The following ABHD2 variants were observed in gnomAD, a reference collection of about 807,000 sequenced individuals.
ABHD2 encodes abhydrolase domain containing 2, acylglycerol lipase.
ABHD2 carries 20 observed loss-of-function variants against 48.1 expected under a neutral mutation model. The observed-to-expected ratio is 0.42, with a 90% CI of 0.29 to 0.60. ABHD2 has a LOEUF of 0.60. ABHD2 is among the 20% of genes least tolerant of loss of function. ABHD2 has a pLI of 0.24. For missense variants in ABHD2, 405 were observed against 550.9 expected (o/e 0.74, Z 2.65); for synonymous variants, 209 against 214.2 (o/e 0.98, Z 0.21).
chr15:89,185,550 A>G lies in ABHD2; in HGVS notation c.815+34A>G, dbSNP rs994926397. 2 of 1,581,176 alleles carry G rather than the reference A, an allele frequency of 1.3e-6. No individual in the cohort carries two copies. The highest frequency in any genetic ancestry group is 1.7e-6 in the Non-Finnish European group (2 of 1,150,176). On this transcript the variant is annotated intron_variant, in intron 7 of 10. Coordinates refer to ENST00000352732, the MANE Select transcript of ABHD2 (RefSeq NM_152924.5). The surrounding 1 kb of genome is among the most constrained non-coding windows in gnomAD (Gnocchi z 5.9). ...CCTTCCGTTCTCTCTCAGGAGACAG[A>G]CAGTTCCTTCCTGAGCTCATCTGGG...
the ABHD2 span, among the ~76,000 whole-genome samples, chr15:89,050,309 A>G: frequency 6.6e-6 from 1 of 152,144 alleles, no homozygotes; most frequent in African/African-American, 2.4e-5. Flanking sequence ...GCCTGAGCCT[A>G]TGGAGCAGGG....
chr15:89,082,774 A>G (rs985105316), upstream of ABHD2: 2 of 152,362 alleles, frequency 1.3e-5, no homozygotes, highest in South Asian at 4.1e-4. The surrounding 1 kb of genome is among the most constrained non-coding windows in gnomAD (Gnocchi z 4.4). Context: ...TCAGTAAAAA[A>G]TGTTTACTGT....
At position 89,155,874 on chromosome 15, in the gene ABHD2, T is replaced by C. The variant is rs1425475372; in HGVS notation, c.538+340T>C. ...CATGACCTTCAGGACTGTGCTGTTC[T>C]GATGCTCGTTCCTCAGGACTCTTGT... On this transcript the variant is annotated intron_variant, in intron 5 of 10. Transcript: ENST00000352732. The surrounding 1 kb of genome is among the most constrained non-coding windows in gnomAD (Gnocchi z 4.9). Among the ~76,000 whole-genome samples, 5 of 152,264 alleles carry C rather than the reference T, an allele frequency of 3.3e-5. No homozygotes were observed. The highest frequency in any genetic ancestry group is 7.4e-5 in the Non-Finnish European group (5 of 68,014).
the ABHD2 span, among the ~76,000 whole-genome samples, chr15:89,056,883 T>C: frequency 2.0e-5 from 3 of 151,114 alleles, no homozygotes; most frequent in Admixed American, 1.3e-4. Context: ...TTTTTCACAC[T>C]GTTAATCCAG....
At chr15:89,178,706 A>C (rs1209316330) in intron 6 of ABHD2, among the ~76,000 whole-genome samples, 2 of 152,214 alleles carry the variant, frequency 1.3e-5, no homozygotes, top group Non-Finnish European at 2.9e-5. Flanking sequence ...CCCTGAAATC[A>C]CCTGGTATCC....
intron 3 of ABHD2, among the ~76,000 whole-genome samples, chr15:89,119,185 C>G (rs992911856): frequency 3.9e-5 from 6 of 152,180 alleles, no homozygotes; most frequent in Admixed American, 2.0e-4. Context: ...GACAAATTCT[C>G]CAGAACCAAT....
rs558667590 is a variant in ABHD2, at chr15:89,201,628, A to G, written c.*6205A>G. ...ATTCCACTGTTGGGCCTCACACAGT[A>G]CCGGTGAGGCACGGTAGTCTTCACT... On this transcript the variant is annotated 3_prime_UTR_variant, in exon 11 of 11. Coordinates refer to ENST00000352732, the MANE Select transcript of ABHD2 (RefSeq NM_152924.5). 2.5e-6 allele frequency: 4 copies of G among 1,591,354 alleles called. No individual in the cohort carries two copies. In the African/African-American group the frequency reaches 5.4e-5, roughly 21 times the overall value.
Position 89,202,266 on chromosome 15 carries a change from T to C in ABHD2, c.*6843T>C, listed in dbSNP as rs1028295941. 1.3e-5 allele frequency: 2 copies of C among 153,472 alleles called. No homozygotes were observed. Among genetic ancestry groups the C allele is most frequent in the African/African-American group, 4.8e-5 (2 of 41,478 alleles). 9.5% of individuals were successfully genotyped at this position (153,472 alleles called of 1,614,324 possible). A position where few individuals can be genotyped will look rare whatever the true frequency, so the allele number is the denominator to read the frequency against. On this transcript the variant is annotated 3_prime_UTR_variant, in exon 11 of 11. Coordinates refer to ENST00000352732, the MANE Select transcript of ABHD2 (RefSeq NM_152924.5). Reference sequence around the variant, plus strand: ...TTTTGATTCTACTATGATTGTGTGGTGGTGAACAAAGATCATTACAAACAA... The same window carrying C: ...TTTTGATTCTACTATGATTGTGTGGCGGTGAACAAAGATCATTACAAACAA...
At chr15:89,156,021 A>C (rs1308584265) in intron 5 of ABHD2, among the ~76,000 whole-genome samples, 2 of 152,090 alleles carry the variant, frequency 1.3e-5, no homozygotes, top group Non-Finnish European at 2.9e-5. Context: ...CTTTCGACGA[A>C]TGCTTCTTGA....
chr15:89,049,943 A>G, the ABHD2 span, among the ~76,000 whole-genome samples: 1 of 152,024 alleles, frequency 6.6e-6, no homozygotes, highest in East Asian at 1.9e-4. Context: ...TATTCCTCCA[A>G]ATGTGCAAGT....
At position 89,116,346 on chromosome 15, in the gene ABHD2, A is replaced by G. The variant is rs755378998; in HGVS notation, c.19A>G (p.Thr7Ala). Reference protein sequence around the residue: MNAMLETPELPAVFDGV... With the variant: MNAMLEAPELPAVFDGV... ...GATCAAGATGAATGCCATGCTGGAG[A>G]CTCCCGAACTCCCAGCCGTGTTTGA... is the stretch of plus-strand genomic sequence containing the variant. Residue 7 changes from threonine (T) to alanine (A), a missense_variant, in exon 3 of 11, where the codon ACT (threonine) becomes GCT (alanine). Coordinates refer to ENST00000352732, the MANE Select transcript of ABHD2 (RefSeq NM_152924.5). This position sits in a 1 kb window ranked among gnomAD's most constrained non-coding sequence, Gnocchi z 4.6. The G allele has an allele frequency of 2.0e-5, 32 of 1,613,474 alleles. No homozygotes were observed. In the Admixed American group the frequency reaches 5.3e-4, roughly 27 times the overall value.
chr15:89,108,648 G>T (rs186081813), intron 1 of ABHD2, among the ~76,000 whole-genome samples: 16 of 152,340 alleles, frequency 1.1e-4, no homozygotes, highest in African/African-American at 3.4e-4. Flanking sequence ...TGTCCTGTCA[G>T]TGAATATTGG....
chr15:89,158,777 A>G (rs979392898), intron 5 of ABHD2, among the ~76,000 whole-genome samples: 2 of 151,894 alleles, frequency 1.3e-5, no homozygotes, highest in South Asian at 2.1e-4. Context: ...AAGTAGTGCA[A>G]TCATGGCTCA....
At chr15:89,048,910 T>TCTCCGTCCAGCTA in the ABHD2 span, among the ~76,000 whole-genome samples, 2 of 140,708 alleles carry the variant, frequency 1.4e-5, no homozygotes, top group Admixed American at 7.0e-5. Context: ...TCAAAGTCAT[T>TCTCCGTCCAGCTA]TGTTCCGTTG....
At chr15:89,052,346 T>G in the ABHD2 span, among the ~76,000 whole-genome samples, 2 of 152,202 alleles carry the variant, frequency 1.3e-5, no homozygotes, top group African/African-American at 4.8e-5. Flanking sequence ...TGTAATTACA[T>G]ATTAGAGTAT....
At chr15:89,178,827 C>T (rs2051060547) in intron 6 of ABHD2, among the ~76,000 whole-genome samples, 2 of 152,208 alleles carry the variant, frequency 1.3e-5, no homozygotes, top group African/African-American at 2.4e-5. Context: ...ACAAGGCTGA[C>T]TAATTCCCTG....
chr15:89,124,298 G>A (rs533040577), intron 3 of ABHD2, among the ~76,000 whole-genome samples: 1 of 152,294 alleles, frequency 6.6e-6, no homozygotes, highest in East Asian at 1.9e-4. Flanking sequence ...TGCAGAGGCA[G>A]TACCAATGCA....
intron 3 of ABHD2, among the ~76,000 whole-genome samples, chr15:89,139,712 T>C (rs534727732): frequency 6.6e-6 from 1 of 152,220 alleles, no homozygotes; most frequent in Non-Finnish European, 1.5e-5. Context: ...GTCACCTTTT[T>C]TTCTCAGTGG....
Position 89,186,200 on chromosome 15 carries a change from C to T in ABHD2, c.815+684C>T, listed in dbSNP as rs182589506. ...GCTTGGGCTTCTGACCAAGCAGCAG[C>T]GGGACAGGAGGCTCAGGGCATGGTT... On this transcript the variant is annotated intron_variant, in intron 7 of 10. Coordinates refer to ENST00000352732, the MANE Select transcript of ABHD2 (RefSeq NM_152924.5). This position sits in a 1 kb window ranked among gnomAD's most constrained non-coding sequence, Gnocchi z 4.3. Among the ~76,000 whole-genome samples the T allele has an allele frequency of 2.6e-4, 40 of 152,220 alleles. No individual in the cohort carries two copies. Among genetic ancestry groups the T allele is most frequent in the Non-Finnish European group, 5.4e-4 (37 of 68,022 alleles).
Sources: allele counts gnomAD v4.1 joint callset (sites outside exome capture counted in the v4.1 genomes callset), GRCh38; gene constraint gnomAD v4.1.1; non-coding constraint Gnocchi (gnomAD v3.1); transcripts MANE v1.5; gene names NCBI Gene and HGNC (gene_info 2026-07-23, HGNC 2026-07-21).